KLHL18: variants seen among roughly 807,000 people sequenced by gnomAD.
KLHL18 encodes the protein kelch like family member 18.
KLHL18 carries 38 observed loss-of-function variants against 58.5 expected under a neutral mutation model. The observed-to-expected ratio is 0.65, with a 90% confidence interval of 0.50 to 0.85. KLHL18 has a LOEUF of 0.85. Ranked by LOEUF, KLHL18 falls within the 40% of genes least tolerant of loss-of-function variation. The pLI is 0.00. For missense variants in KLHL18, 624 were observed against 778.4 expected (o/e 0.80, Z 2.36); for synonymous variants, 303 against 301.9 (o/e 1.00, Z -0.04).
intron 1 of KLHL18, among the ~76,000 whole-genome samples, chr3:47,300,164 C>G: frequency 6.6e-6 from 1 of 150,810 alleles, no homozygotes; most frequent in African/African-American, 2.4e-5. Flanking sequence ...CACTCTTATC[C>G]CTCACCTTCT....
intron 1 of KLHL18, among the ~76,000 whole-genome samples, chr3:47,298,341 A>G (rs1401500025): frequency 1.5e-5 from 2 of 136,016 alleles, no homozygotes; most frequent in Non-Finnish European, 3.1e-5. Context: ...GGCAAGAGTG[A>G]GATCCTGTCT....
rs534043820 is a variant in KLHL18 at position 47,299,188 on chromosome 3, C to G, written c.129+16094C>G. Among the ~76,000 whole-genome samples the G allele has an allele frequency of 2.6e-5, 4 of 152,320 alleles. No individual in the cohort carries two copies. The South Asian group carries it at 8.3e-4, about 32-fold the overall frequency. On this transcript the variant is annotated intron_variant, in intron 1 of 9. Coordinates refer to ENST00000232766, the MANE Select transcript of KLHL18 (RefSeq NM_025010.5). The stretch of plus-strand genomic sequence containing the variant: ...TGGTTAATTTTATGTGTCACCTTGG[C>G]TAGGCCCAGTTGTTTGGTCAAACAC...
chr3:47,298,751 T>A (rs911188251), intron 1 of KLHL18, among the ~76,000 whole-genome samples: 7 of 152,166 alleles, frequency 4.6e-5, no homozygotes, highest in African/African-American at 1.7e-4. Context: ...CTGGCAACCA[T>A]GAATTTGTTG....
chr3:47,338,163 C>T (rs912704711), intron 7 of KLHL18: 1 of 152,248 alleles, frequency 6.6e-6, no homozygotes, highest in Non-Finnish European at 1.5e-5. Flanking sequence ...TCCTATCTCC[C>T]CCAGTGTTCT....
At chr3:47,305,740 G>A (rs1703131943) in intron 1 of KLHL18, among the ~76,000 whole-genome samples, 1 of 152,098 alleles carries the variant, frequency 6.6e-6, no homozygotes, top group African/African-American at 2.4e-5. Flanking sequence ...GGACCTGGTA[G>A]ATTTCTTTTT....
In KLHL18 at chr3:47,344,787, A is replaced by G. The variant is rs1418143054; in HGVS notation, c.*846A>G. The stretch of plus-strand genomic sequence containing the variant: ...AGGGCGGTATCCACCCCACATTCGG[A>G]TCCCAGGGTCCTGAGGCCTCGCATT... On this transcript the variant is annotated 3_prime_UTR_variant, in exon 10 of 10. Transcript: ENST00000232766. 1 of 152,704 alleles carries G rather than the reference A, an allele frequency of 6.5e-6. No homozygotes were observed. Among genetic ancestry groups the G allele is most frequent in the Non-Finnish European group, 1.5e-5 (1 of 68,068 alleles). The allele number at this position is 152,704 out of a possible 1,614,324, so 9.5% of individuals were successfully genotyped here.
intron 7 of KLHL18, among the ~76,000 whole-genome samples, chr3:47,339,426 A>AC (rs1391607723): frequency 1.3e-5 from 2 of 151,938 alleles, no homozygotes; most frequent in Non-Finnish European, 2.9e-5. Context: ...CAGGAGGTCA[A>AC]GACTGCTGTG....
chr3:47,319,815 T>C, intron 2 of KLHL18, 32 bp downstream of exon 2: 4 of 1,609,020 alleles, frequency 2.5e-6, no homozygotes, highest in Non-Finnish European at 3.4e-6. Flanking sequence ...TTTCGCAGGC[T>C]GCTTTCCAAG....
At chr3:47,285,787 C>T (rs1702661886) in intron 1 of KLHL18, among the ~76,000 whole-genome samples, 1 of 152,192 alleles carries the variant, frequency 6.6e-6, no homozygotes, top group Non-Finnish European at 1.5e-5. Flanking sequence ...TGGCTCACGC[C>T]TGTAATCCCA....
chr3:47,294,111 C>T (rs1480331063), intron 1 of KLHL18, among the ~76,000 whole-genome samples: 1 of 152,140 alleles, frequency 6.6e-6, no homozygotes, highest in Admixed American at 6.5e-5. Context: ...TTCTTACCGA[C>T]CTTCTAGTGA....
intron 3 of KLHL18, 62 bp from the exon 4 acceptor site, chr3:47,329,889 A>T (rs1453485299): frequency 5.5e-6 from 8 of 1,443,662 alleles, no homozygotes; most frequent in Non-Finnish European, 7.8e-6. Context: ...AACCAGCCTG[A>T]GAATGATCAA....
At chr3:47,288,895 G>C (rs921409810) in intron 1 of KLHL18, among the ~76,000 whole-genome samples, 3 of 152,224 alleles carry the variant, frequency 2.0e-5, no homozygotes, top group Non-Finnish European at 2.9e-5. Flanking sequence ...TCCCAGCGTT[G>C]AGTTTCGTGT....
intron 5 of KLHL18, 93 bp downstream of exon 5, chr3:47,333,410 T>G (rs1171338532): frequency 6.4e-6 from 8 of 1,257,334 alleles, no homozygotes; most frequent in Non-Finnish European, 8.8e-6. Context: ...AGAAAGCATT[T>G]AGAGTGATCA....
At chr3:47,323,015 T>C (rs1449953220) in intron 3 of KLHL18, among the ~76,000 whole-genome samples, 1 of 152,176 alleles carries the variant, frequency 6.6e-6, no homozygotes, top group African/African-American at 2.4e-5. Flanking sequence ...CCAAACTGAT[T>C]TGTGCAGTGC....
chr3:47,296,700 G>A (rs1288538895), intron 1 of KLHL18, among the ~76,000 whole-genome samples: 2 of 152,158 alleles, frequency 1.3e-5, no homozygotes, highest in African/African-American at 4.8e-5. Flanking sequence ...TGACAGACAG[G>A]CACAGTGGAA....
intron 3 of KLHL18, among the ~76,000 whole-genome samples, chr3:47,327,878 C>T (rs1329523399): frequency 6.6e-6 from 1 of 152,176 alleles, no homozygotes; most frequent in Non-Finnish European, 1.5e-5. Context: ...GTGCCTAAAA[C>T]CTTAACGTCG....
chr3:47,302,028 C>G (rs982379452), intron 1 of KLHL18, among the ~76,000 whole-genome samples: 18 of 152,168 alleles, frequency 1.2e-4, no homozygotes, highest in African/African-American at 3.9e-4. Context: ...TCTTGAACTC[C>G]TGGCCTCAAG....
At chr3:47,324,306 T>TTTTTTTTTTTTC (rs1703663123) in intron 3 of KLHL18, among the ~76,000 whole-genome samples, 1 of 100,630 alleles carries the variant, frequency 9.9e-6, no homozygotes, top group Non-Finnish European at 2.1e-5. Flanking sequence ...TTCTTTTTTT[T>TTTTTTTTTTTTC]TTTTTTTTTT....
chr3:47,324,289 TC>T (rs1703657239), intron 3 of KLHL18, among the ~76,000 whole-genome samples: 3 of 132,830 alleles, frequency 2.3e-5, no homozygotes, highest in Non-Finnish European at 3.2e-5. Flanking sequence ...TTTTTCTTTT[TC>T]TTTCTTTCTT....
Sources: allele counts gnomAD v4.1 joint callset (sites outside exome capture counted in the v4.1 genomes callset), GRCh38; gene constraint gnomAD v4.1.1; transcripts MANE v1.5; gene names NCBI Gene and HGNC (gene_info 2026-07-23, HGNC 2026-07-21).